SHB: variants seen among roughly 807,000 people sequenced by gnomAD.
SHB encodes SH2 domain-containing adapter protein B.
A neutral mutation model predicts 52.3 loss-of-function variants in SHB; 20 were observed. The observed-to-expected ratio is 0.38, with a 90% confidence interval of 0.27 to 0.56. The LOEUF (loss-of-function observed/expected upper bound fraction) is 0.56. Ranked by LOEUF, SHB falls within the 20% of genes least tolerant of loss-of-function variation. The pLI, the probability that SHB is intolerant of heterozygous loss-of-function variation, is 0.71. For missense variants in SHB, 825 were observed against 723.3 expected (o/e 1.14, Z -1.61); for synonymous variants, 397 against 316.5 (o/e 1.25, Z -2.70).
chr9:37,952,666 T>C (rs1832579562), intron 4 of SHB, among the ~76,000 whole-genome samples: 1 of 152,122 alleles, frequency 6.6e-6, no homozygotes, highest in South Asian at 2.1e-4. Flanking sequence ...CTGGTGGTAC[T>C]TAGGAGGGAG....
intron 1 of SHB, among the ~76,000 whole-genome samples, chr9:38,037,499 T>C (rs770693870): frequency 5.9e-5 from 9 of 152,182 alleles, no homozygotes; most frequent in African/African-American, 9.7e-5. Context: ...CATGAGAACA[T>C]GAGCTCTAGA....
At chr9:38,060,177 ATTAT>A (rs1222182890) in intron 1 of SHB, among the ~76,000 whole-genome samples, 1 of 151,898 alleles carries the variant, frequency 6.6e-6, no homozygotes, top group Non-Finnish European at 1.5e-5. Flanking sequence ...CTTTATTATT[ATTAT>A]TATTATTTTT....
intron 2 of SHB, among the ~76,000 whole-genome samples, chr9:38,005,286 G>A (rs933323683): frequency 6.6e-6 from 1 of 152,234 alleles, no homozygotes. Context: ...ACCCTGAAAG[G>A]GAGAGTGAAG....
chr9:38,000,145 TGG>T (rs1820994030), intron 2 of SHB, among the ~76,000 whole-genome samples: 2 of 151,934 alleles, frequency 1.3e-5, no homozygotes, highest in African/African-American at 4.8e-5. Context: ...CCACAGGCAG[TGG>T]AGAGAGAAAA....
chr9:37,962,046 G>A (rs1158674116), intron 3 of SHB, among the ~76,000 whole-genome samples: 1 of 152,196 alleles, frequency 6.6e-6, no homozygotes, highest in African/African-American at 2.4e-5. Context: ...TCCTGTCTCT[G>A]TCATTACTGA....
chr9:37,982,907 G>GA (rs1022945479), intron 2 of SHB, among the ~76,000 whole-genome samples: 16 of 151,200 alleles, frequency 1.1e-4, no homozygotes, highest in South Asian at 4.2e-4. Flanking sequence ...TTCAGGAATA[G>GA]AAAAAAAAGG....
intron 1 of SHB, among the ~76,000 whole-genome samples, chr9:38,050,317 GCC>G (rs1235542996): frequency 2.0e-5 from 3 of 152,180 alleles, no homozygotes; most frequent in Admixed American, 2.0e-4. Context: ...AAAATGCCAT[GCC>G]CCAATTAAGT....
rs758346553 is a variant in SHB, at chr9:37,919,881, T to C, written c.1470A>G (p.Leu490=). ...EVIHYYTTRK[L]PIKGAEHLSL... ...ACAAGTGCTCAGCCCCTTTGATGGG[T>C]AGCTTTCTGGTGGTGTAGTAGTGGA... Residue 490 remains leucine, a synonymous_variant, in exon 6 of 6, where the codon CTA becomes CTG. Transcript: ENST00000377707. The C allele has an allele frequency of 3.1e-6, 5 of 1,613,932 alleles. No homozygotes were observed. The South Asian group carries it at 3.3e-5, about 11-fold the overall frequency.
chr9:37,916,129 G>A lies in SHB; in HGVS notation c.*3692C>T, dbSNP rs887676921. ...CAAGCGCGCCTGTGAACAAGTCCCC[G>A]TGGGGTTCTGGGAGGTGCGCCCACA... On this transcript the variant is annotated 3_prime_UTR_variant, in exon 6 of 6. Coordinates refer to ENST00000377707, the MANE Select transcript of SHB (RefSeq NM_003028.3). 6.6e-6 allele frequency among the ~76,000 whole-genome samples: 1 copy of A among 152,232 alleles called. No individual in the cohort carries two copies.
intron 1 of SHB, among the ~76,000 whole-genome samples, chr9:38,031,719 G>A (rs1234685680): frequency 6.6e-6 from 1 of 152,170 alleles, no homozygotes; most frequent in South Asian, 2.1e-4. Flanking sequence ...ACTTGACAAC[G>A]GCTGTATGAA....
chr9:38,047,002 G>A (rs919136232), intron 1 of SHB, among the ~76,000 whole-genome samples: 3 of 152,310 alleles, frequency 2.0e-5, no homozygotes, highest in African/African-American at 7.2e-5. Context: ...GAGGGGAGGG[G>A]CCTTGCCAAC....
rs1278972957 is a variant in SHB at position 37,989,904 on chromosome 9, C to A, written c.839-15067G>T. ...CAAAATTCCTCTCAGGCAGCTCTTT[C>A]CTGTCAATAGCTATTATAGATGACA... is the stretch of plus-strand genomic sequence containing the variant. On this transcript the variant is annotated intron_variant, in intron 2 of 5. Coordinates refer to ENST00000377707, the MANE Select transcript of SHB (RefSeq NM_003028.3). 5.9e-5 allele frequency among the ~76,000 whole-genome samples: 9 copies of A among 152,296 alleles called. No homozygotes were observed. In the South Asian group the frequency reaches 1.9e-3, roughly 32 times the overall value.
intron 4 of SHB, among the ~76,000 whole-genome samples, chr9:37,949,875 G>A (rs1007543302): frequency 1.3e-5 from 2 of 152,222 alleles, no homozygotes; most frequent in Non-Finnish European, 2.9e-5. Flanking sequence ...GAGGGGAGGA[G>A]TGCCGTGCAG....
At chr9:38,050,034 T>G (rs536135806) in intron 1 of SHB, among the ~76,000 whole-genome samples, 12 of 152,298 alleles carry the variant, frequency 7.9e-5, no homozygotes, top group Non-Finnish European at 1.8e-4. Context: ...CAAGTGATCC[T>G]CCTGTCTTGG....
intron 1 of SHB, among the ~76,000 whole-genome samples, chr9:38,033,309 C>T (rs907155718): frequency 1.2e-4 from 18 of 152,124 alleles, no homozygotes; most frequent in Admixed American, 1.1e-3. Flanking sequence ...ATGATCATGC[C>T]CATTTATCAG....
chr9:37,934,932 T>C (rs967141326), intron 5 of SHB, among the ~76,000 whole-genome samples: 2 of 152,224 alleles, frequency 1.3e-5, no homozygotes, highest in Admixed American at 1.3e-4. Context: ...CTGCAAGTAA[T>C]TGAGTTCCAC....
At position 37,992,631 on chromosome 9, in the gene SHB, AG is replaced by A. The variant is rs111585813; in HGVS notation, c.839-17795del. Among the ~76,000 whole-genome samples, 15 of 152,286 alleles carry A rather than the reference AG, an allele frequency of 9.8e-5. 2 individuals carry two copies. The highest frequency in any genetic ancestry group is 3.6e-4 in the African/African-American group (15 of 41,562). On this transcript the variant is annotated intron_variant, in intron 2 of 5. Coordinates refer to ENST00000377707, the MANE Select transcript of SHB (RefSeq NM_003028.3). ...GTCTGCCCCGTACTTTATCCCATGCAGGGGGCTGGGTAAGTCGTGTTCCCCT... is the reference window on the plus strand; with the variant it reads ...GTCTGCCCCGTACTTTATCCCATGCAGGGGCTGGGTAAGTCGTGTTCCCCT...
intron 2 of SHB, chr9:38,015,334 T>A: frequency 2.9e-6 from 2 of 689,276 alleles, no homozygotes; most frequent in South Asian, 3.1e-5. Context: ...CCAAGTCTTG[T>A]ATTATCCTGG....
intron 5 of SHB, among the ~76,000 whole-genome samples, chr9:37,939,085 C>T (rs1014149689): frequency 6.6e-6 from 1 of 152,246 alleles, no homozygotes; most frequent in Non-Finnish European, 1.5e-5. Flanking sequence ...CTGCCCTAGT[C>T]CTTCTCTCCT....
Sources: gnomAD v4.1 joint callset for allele counts (sites outside exome capture counted in the v4.1 genomes callset) on GRCh38, gnomAD v4.1.1 for gene constraint, MANE v1.5 for transcripts, NCBI Gene and HGNC (gene_info 2026-07-23, HGNC 2026-07-21) for gene names.